Variants in SEPTIN11 observed in about 807,000 individuals in gnomAD.
The protein encoded by SEPTIN11 is septin-11.
A neutral mutation model predicts 51.4 loss-of-function variants in SEPTIN11; 25 were observed. The ratio of observed to expected loss-of-function variants is 0.49; its 90% confidence interval spans 0.35 to 0.68. The LOEUF (loss-of-function observed/expected upper bound fraction) is 0.68, where lower values mean the gene tolerates loss of function less well. Ranked by LOEUF, SEPTIN11 falls within the 30% of genes least tolerant of loss-of-function variation. SEPTIN11 has a pLI of 0.00. For synonymous variants in SEPTIN11, 174 were observed against 184.1 expected, an observed-to-expected ratio of 0.95 and a Z score of 0.44; for missense variants, 381 against 520.8, an observed-to-expected ratio of 0.73 and a Z score of 2.61.
intron 1 of SEPTIN11, among the ~76,000 whole-genome samples, chr4:76,994,720 C>CTT: frequency 6.6e-6 from 1 of 152,030 alleles, no homozygotes; most frequent in Non-Finnish European, 1.5e-5. Context: ...CATTGAAGTC[C>CTT]TTTAAAATCA....
At chr4:77,015,075 A>G (rs971838854) in intron 5 of SEPTIN11, 58 bp downstream of exon 5, 3 of 1,553,402 alleles carry the variant, frequency 1.9e-6, no homozygotes, top group Middle Eastern at 1.7e-4. Context: ...TCTTAGTAGC[A>G]GCATTGTAGA....
At chr4:77,023,302 A>AT (rs1553976962) in intron 7 of SEPTIN11, among the ~76,000 whole-genome samples, 9 of 143,932 alleles carry the variant, frequency 6.3e-5, no homozygotes, top group South Asian at 4.3e-4. Flanking sequence ...ACACACACAC[A>AT]ATATATATAT....
chr4:76,982,024 A>G (rs569805305), intron 1 of SEPTIN11, among the ~76,000 whole-genome samples: 35 of 152,274 alleles, frequency 2.3e-4, no homozygotes, highest in African/African-American at 6.5e-4. Context: ...AATGCTCCCC[A>G]TTTAAGGACT....
intron 4 of SEPTIN11, among the ~76,000 whole-genome samples, 195 bp from the exon 5 acceptor site, chr4:77,014,661 C>CAAA (rs11323704): frequency 6.9e-6 from 1 of 144,846 alleles, no homozygotes; most frequent in Non-Finnish European, 1.5e-5. Flanking sequence ...ATCTCTACCC[C>CAAA]AAAAAAAAAA....
chr4:77,007,940 C>T (rs569348344), intron 3 of SEPTIN11, among the ~76,000 whole-genome samples: 1 of 152,298 alleles, frequency 6.6e-6, no homozygotes, highest in East Asian at 1.9e-4. Context: ...TTTCTCTATG[C>T]CCATGTTGAT....
At chr4:76,982,513 A>T (rs1019619783) in intron 1 of SEPTIN11, among the ~76,000 whole-genome samples, 1 of 152,122 alleles carries the variant, frequency 6.6e-6, no homozygotes, top group African/African-American at 2.4e-5. Context: ...CCCGGCCCAG[A>T]TCTTATTTCA....
chr4:76,985,701 G>T (rs182804290), intron 1 of SEPTIN11, among the ~76,000 whole-genome samples: 1 of 152,302 alleles, frequency 6.6e-6, no homozygotes, highest in African/African-American at 2.4e-5. Flanking sequence ...GGGAAGGTGG[G>T]CCAGGCACCA....
At chr4:77,029,207 G>A (rs1439131942) in intron 8 of SEPTIN11, among the ~76,000 whole-genome samples, 5 of 152,194 alleles carry the variant, frequency 3.3e-5, no homozygotes, top group Admixed American at 6.5e-5. Context: ...ATCTGCGCCC[G>A]TGCTTCTGCC....
chr4:77,028,489 G>A (rs1056878700), intron 7 of SEPTIN11, 140 bp from the exon 8 acceptor site: 3 of 932,378 alleles, frequency 3.2e-6, no homozygotes, highest in Admixed American at 2.5e-5. Context: ...AAGCAAAACA[G>A]TGTCATTCTA....
chr4:77,006,780 G>C (rs142096658), intron 3 of SEPTIN11, among the ~76,000 whole-genome samples: 1 of 152,030 alleles, frequency 6.6e-6, no homozygotes, highest in Non-Finnish European at 1.5e-5. Context: ...CATGTGTTTT[G>C]TAAAGAGGAA....
intron 1 of SEPTIN11, among the ~76,000 whole-genome samples, chr4:76,986,788 T>C (rs1379260888): frequency 6.6e-6 from 1 of 152,230 alleles, no homozygotes; most frequent in Non-Finnish European, 1.5e-5. Context: ...AAAAGATCTT[T>C]ATTTAGTATT....
At chr4:76,959,960 C>T (rs1721758783) in intron 1 of SEPTIN11, among the ~76,000 whole-genome samples, 1 of 152,076 alleles carries the variant, frequency 6.6e-6, no homozygotes, top group African/African-American at 2.4e-5. Flanking sequence ...ATGGGGTGTC[C>T]ATCACCTCAA....
At chr4:76,956,997 A>T (rs368394039) in intron 1 of SEPTIN11, among the ~76,000 whole-genome samples, 72,531 of 118,820 alleles carry the variant, frequency 0.61, 19,183 homozygotes, top group Middle Eastern at 0.64. Flanking sequence ...TGTGTGTGAG[A>T]GAGAGAGAGA....
At chr4:77,010,507 C>A (rs574454439) in intron 3 of SEPTIN11, among the ~76,000 whole-genome samples, 2 of 150,496 alleles carry the variant, frequency 1.3e-5, no homozygotes, top group South Asian at 4.2e-4. Context: ...TCTAATTGAA[C>A]CAATATATTG....
At chr4:76,952,401 G>A (rs531066040) in intron 1 of SEPTIN11, among the ~76,000 whole-genome samples, 1 of 152,182 alleles carries the variant, frequency 6.6e-6, no homozygotes, top group Non-Finnish European at 1.5e-5. Context: ...CTCCTTTTGC[G>A]ATAACTACCT....
intron 7 of SEPTIN11, 142 bp from the exon 8 acceptor site, chr4:77,028,487 C>A: frequency 1.1e-6 from 1 of 913,658 alleles, no homozygotes; most frequent in Non-Finnish European, 1.7e-6. Context: ...AAAAGCAAAA[C>A]AGTGTCATTC....
Position 77,037,686 on chromosome 4 carries a change from T to C in SEPTIN11, c.*3174T>C. On this transcript the variant is annotated 3_prime_UTR_variant, in exon 10 of 10. Transcript: ENST00000264893. ...AACATAATACCATCTTTTTGCTTCT[T>C]CTGAACTTTAGATCTCCATAACACA... is the stretch of plus-strand genomic sequence containing the variant. The C allele has an allele frequency of 6.1e-6, 6 of 985,868 alleles. No individual in the cohort carries two copies. Among genetic ancestry groups the C allele is most frequent in the Non-Finnish European group, 7.2e-6 (6 of 829,946 alleles). 61.1% of individuals were successfully genotyped at this position (985,868 alleles called of 1,614,324 possible). A position where few individuals can be genotyped will look rare whatever the true frequency, so the allele number is the denominator to read the frequency against.
intron 1 of SEPTIN11, among the ~76,000 whole-genome samples, chr4:76,973,393 G>A (rs946972392): frequency 6.6e-6 from 1 of 152,190 alleles, no homozygotes. Context: ...GTGGCTTGCA[G>A]TGCGTGTGTG....
chr4:77,006,913 T>C (rs1401390691), intron 3 of SEPTIN11, among the ~76,000 whole-genome samples: 1 of 152,238 alleles, frequency 6.6e-6, no homozygotes, highest in Non-Finnish European at 1.5e-5. Context: ...AAGCTCTTTA[T>C]TTTATCTACA....
Sources: gnomAD v4.1 joint callset for allele counts (sites outside exome capture counted in the v4.1 genomes callset) on GRCh38, gnomAD v4.1.1 for gene constraint, MANE v1.5 for transcripts, NCBI Gene and HGNC (gene_info 2026-07-23, HGNC 2026-07-21) for gene names.